The following KIAA1328 variants were observed in gnomAD, a reference collection of about 807,000 sequenced individuals.
The protein encoded by KIAA1328 is KIAA1328.
In KIAA1328, 52 loss-of-function variants were observed where a neutral mutation model predicts 68.1. The ratio of observed to expected loss-of-function variants is 0.76; its 90% CI spans 0.61 to 0.96. KIAA1328 has a LOEUF of 0.96. Ranked by LOEUF, KIAA1328 falls within the 40% of genes least tolerant of loss-of-function variation. The pLI is 0.00. For missense variants in KIAA1328, 641 were observed against 677.6 expected (o/e 0.95, Z 0.60); for synonymous variants, 232 against 239.4 (o/e 0.97, Z 0.28).
intron 9 of KIAA1328, among the ~76,000 whole-genome samples, chr18:37,195,958 T>C (rs570594789): frequency 1.3e-5 from 2 of 152,214 alleles, no homozygotes; most frequent in Admixed American, 6.5e-5. Context: ...CATTTATTAA[T>C]GTTCTCTTCA....
intron 6 of KIAA1328, among the ~76,000 whole-genome samples, chr18:37,027,731 A>G (rs1379140634): frequency 6.6e-6 from 1 of 152,172 alleles, no homozygotes; most frequent in African/African-American, 2.4e-5. Context: ...GATGGATTAA[A>G]GACTTACATG....
chr18:37,020,432 GTATT>G (rs1568300019), intron 6 of KIAA1328, among the ~76,000 whole-genome samples: 2 of 152,156 alleles, frequency 1.3e-5, no homozygotes, highest in African/African-American at 4.8e-5. Context: ...CGAAACGTAA[GTATT>G]TCTTAAAAAT....
In KIAA1328 at chr18:37,222,516, G is replaced by A; in HGVS notation, c.*289G>A. The A allele has an allele frequency of 8.4e-7, 1 of 1,192,430 alleles. No individual in the cohort carries two copies. The allele number at this position is 1,192,430 out of a possible 1,614,324, so 73.9% of individuals were successfully genotyped here. ...TACTTTCTGCGTGGTGGAAACCATT[G>A]CATATTCAGCCTCATTTCAAGAGTG... is the stretch of plus-strand genomic sequence containing the variant. On this transcript the variant is annotated 3_prime_UTR_variant, in exon 10 of 10. Coordinates refer to ENST00000280020, the MANE Select transcript of KIAA1328 (RefSeq NM_020776.3).
Position 36,920,638 on chromosome 18 carries a change from GAT to G in KIAA1328, c.448+34969_448+34970del, listed in dbSNP as rs2049883203. 2.0e-5 allele frequency among the ~76,000 whole-genome samples: 3 copies of G among 152,188 alleles called. No individual in the cohort carries two copies. In the South Asian group the frequency reaches 6.2e-4, roughly 32 times the overall value. On this transcript the variant is annotated intron_variant, in intron 5 of 9. Coordinates refer to ENST00000280020, the MANE Select transcript of KIAA1328 (RefSeq NM_020776.3). ...GGGGCTAATTTAGCCCCATTTCTAA[GAT>G]ATGGCCTCTCTGAGGACCCTATCAA...
At chr18:37,210,297 T>C (rs192189479) in intron 9 of KIAA1328, among the ~76,000 whole-genome samples, 60 of 152,244 alleles carry the variant, frequency 3.9e-4, no homozygotes, top group Non-Finnish European at 5.9e-5. Context: ...TAAACGAAAC[T>C]AGAAAGAGAG....
intron 4 of KIAA1328, among the ~76,000 whole-genome samples, chr18:36,871,513 TTGTTATTTATTTTGTTGCTAAAATTG>T (rs2047944525): frequency 6.6e-6 from 1 of 152,136 alleles, no homozygotes; most frequent in South Asian, 2.1e-4. Flanking sequence ...TAATCTAATA[TTGTTATTTATTTTGTTGCTAAAATTG>T]TTCCAGCCTT....
chr18:37,103,454 C>T (rs543256546), intron 7 of KIAA1328, among the ~76,000 whole-genome samples: 20 of 152,156 alleles, frequency 1.3e-4, no homozygotes, highest in Admixed American at 1.0e-3. Context: ...TATCCGTATG[C>T]GTATGAATGA....
At chr18:37,112,326 C>A (rs1302152806) in intron 7 of KIAA1328, among the ~76,000 whole-genome samples, 4 of 152,130 alleles carry the variant, frequency 2.6e-5, no homozygotes, top group Admixed American at 6.5e-5. Context: ...AATGAAACTT[C>A]CAGAGGAAGA....
chr18:37,083,747 G>A (rs928400218), intron 7 of KIAA1328, among the ~76,000 whole-genome samples: 1 of 152,208 alleles, frequency 6.6e-6, no homozygotes, highest in Non-Finnish European at 1.5e-5. Flanking sequence ...CAGGGTCAGT[G>A]ATAATTAGAG....
chr18:37,066,323 TTAAA>T lies in KIAA1328; in HGVS notation c.577-563_577-560del, dbSNP rs534586272. On this transcript the variant is annotated intron_variant, in intron 6 of 9. Coordinates refer to ENST00000280020, the MANE Select transcript of KIAA1328 (RefSeq NM_020776.3). ...AGATGAAATTAAGTATTTTTTGTAT[TTAAA>T]TAACGCTTTTGATTAGAATCCTATT... Among the ~76,000 whole-genome samples, 10 of 152,342 alleles carry T rather than the reference TTAAA, an allele frequency of 6.6e-5. No homozygotes were observed. In the South Asian group the frequency reaches 2.1e-3, roughly 32 times the overall value.
chr18:36,922,188 T>C (rs2049953090), intron 5 of KIAA1328, among the ~76,000 whole-genome samples: 1 of 152,124 alleles, frequency 6.6e-6, no homozygotes, highest in Non-Finnish European at 1.5e-5. Flanking sequence ...TATTCTTAGG[T>C]TTTTCCAAGT....
intron 6 of KIAA1328, among the ~76,000 whole-genome samples, chr18:36,972,332 C>T (rs910704892): frequency 6.6e-6 from 1 of 152,270 alleles, no homozygotes. Context: ...TTTTTCTCAG[C>T]ACCAGTTTTT....
intron 5 of KIAA1328, among the ~76,000 whole-genome samples, chr18:36,939,539 C>T (rs1413171627): frequency 6.6e-6 from 1 of 151,980 alleles, no homozygotes; most frequent in Non-Finnish European, 1.5e-5. Context: ...CATCAGCAAA[C>T]AAAAAATTTC....
At chr18:37,231,860 G>T (rs1020736936), downstream of KIAA1328, 4 of 152,418 alleles carry the variant, frequency 2.6e-5, no homozygotes, top group African/African-American at 9.7e-5. Flanking sequence ...TGCTGAGATT[G>T]GCCAGTCCCA....
intron 6 of KIAA1328, among the ~76,000 whole-genome samples, chr18:37,059,880 T>C (rs1455816753): frequency 6.6e-6 from 1 of 152,090 alleles, no homozygotes. Context: ...TGAGTTAATG[T>C]CCTTTGCAGG....
intron 7 of KIAA1328, among the ~76,000 whole-genome samples, chr18:37,112,313 T>G (rs1397154248): frequency 6.6e-6 from 1 of 152,168 alleles, no homozygotes; most frequent in Non-Finnish European, 1.5e-5. Context: ...GGTGCCCCTC[T>G]GAAATGAAAC....
intron 7 of KIAA1328, among the ~76,000 whole-genome samples, chr18:37,112,727 T>C (rs2057971408): frequency 6.6e-6 from 1 of 152,148 alleles, no homozygotes; most frequent in South Asian, 2.1e-4. Context: ...AAGGAGGATT[T>C]TCGAACCAAT....
At chr18:36,865,372 T>C (rs1370945660) in intron 4 of KIAA1328, among the ~76,000 whole-genome samples, 2 of 152,208 alleles carry the variant, frequency 1.3e-5, no homozygotes, top group Non-Finnish European at 2.9e-5. Context: ...TTTTCTCGTC[T>C]TTCTATTACT....
intron 4 of KIAA1328, among the ~76,000 whole-genome samples, chr18:36,857,182 A>G (rs944657771): frequency 3.3e-5 from 5 of 152,128 alleles, no homozygotes; most frequent in African/African-American, 1.2e-4. Flanking sequence ...GGCTATCAGC[A>G]TATGCATTAC....
Sources: allele counts gnomAD v4.1 joint callset (sites outside exome capture counted in the v4.1 genomes callset), GRCh38; gene constraint gnomAD v4.1.1; transcripts MANE v1.5; gene names NCBI Gene and HGNC (gene_info 2026-07-23, HGNC 2026-07-21).